The following AP2A2 variants were observed in gnomAD, a reference collection of about 807,000 sequenced individuals.
AP2A2 encodes adaptor related protein complex 2 subunit alpha 2, also known as AP-2 complex subunit alpha-2.
A neutral mutation model predicts 104.2 loss-of-function variants in AP2A2; 32 were observed. The observed-to-expected ratio is 0.31, with a 90% CI of 0.23 to 0.41. The LOEUF is 0.41. AP2A2 is among the 10% of genes least tolerant of loss of function. AP2A2 has a pLI of 1.00. For missense variants in AP2A2, 912 were observed against 1,261.0 expected (o/e 0.72, Z 4.19); for synonymous variants, 539 against 533.3 (o/e 1.01, Z -0.15).
intron 2 of AP2A2, among the ~76,000 whole-genome samples, chr11:960,081 C>T (rs914183721): frequency 3.3e-5 from 5 of 152,120 alleles, no homozygotes; most frequent in Admixed American, 6.5e-5. Flanking sequence ...ACCTTAGCCA[C>T]GGTGTAGCTG....
chr11:927,885 T>C (rs891696733), intron 1 of AP2A2, among the ~76,000 whole-genome samples: 4 of 152,074 alleles, frequency 2.6e-5, no homozygotes, highest in Non-Finnish European at 5.9e-5. Context: ...AGTAGCATTT[T>C]TTCTCTTTGT....
At chr11:945,582 C>T (rs1853805294) in intron 1 of AP2A2, among the ~76,000 whole-genome samples, 1 of 152,186 alleles carries the variant, frequency 6.6e-6, no homozygotes, top group African/African-American at 2.4e-5. Context: ...ATCCGCCCGC[C>T]TCGGCCTCTC....
Position 992,634 on chromosome 11 carries a change from C to T in AP2A2, c.1401C>T (p.Ile467=), listed in dbSNP as rs753159104. 13 of 1,613,848 alleles carry T rather than the reference C, an allele frequency of 8.1e-6. No individual in the cohort carries two copies. The highest frequency in any genetic ancestry group is 2.7e-5 in the African/African-American group (2 of 74,916). ...AGGTGTGGTACCGAGTCATTCAGAT[C>T]GTCATCAACCGGGACGACGTGCAGG... is the stretch of plus-strand genomic sequence containing the variant. ...SEEVWYRVIQ[I]VINRDDVQGY... is the part of the protein sequence containing the mutation. The change falls in exon 11 of 22, where the codon ATC becomes ATT. Residue 467 remains isoleucine, a synonymous_variant. Transcript: ENST00000448903. The surrounding 1 kb of genome is among the most constrained non-coding windows in gnomAD (Gnocchi z 6.4).
intron 10 of AP2A2, among the ~76,000 whole-genome samples, chr11:991,492 G>A (rs191128952): frequency 1.5e-3 from 235 of 152,324 alleles, no homozygotes; most frequent in South Asian, 0.014. Context: ...TTCGTGGAGG[G>A]GTGGGAGGTA....
chr11:927,543 C>T (rs1393771017), intron 1 of AP2A2, among the ~76,000 whole-genome samples: 1 of 150,038 alleles, frequency 6.7e-6, no homozygotes, highest in African/African-American at 2.5e-5. Context: ...GAGCTGGGTG[C>T]GGTGGCTCAA....
intron 1 of AP2A2, among the ~76,000 whole-genome samples, chr11:930,595 A>G (rs867457893): frequency 5.3e-5 from 8 of 151,114 alleles, no homozygotes; most frequent in Non-Finnish European, 8.8e-5. Context: ...ATCTCGGCTC[A>G]CTGCAAGCTC....
intron 4 of AP2A2, 41 bp downstream of exon 4, chr11:972,296 C>T: frequency 5.3e-6 from 8 of 1,514,552 alleles, no homozygotes; most frequent in Non-Finnish European, 7.1e-6. Context: ...TGAAGATGTG[C>T]TGCTTTCATG....
intron 1 of AP2A2, among the ~76,000 whole-genome samples, chr11:936,465 C>G (rs953849684): frequency 6.6e-6 from 1 of 152,136 alleles, no homozygotes; most frequent in African/African-American, 2.4e-5. Flanking sequence ...GCAATCATAG[C>G]TTACTTCAGC....
chr11:940,035 A>C lies in AP2A2; in HGVS notation c.67+13947A>C, dbSNP rs117361804. On this transcript the variant is annotated intron_variant, in intron 1 of 21. Transcript: ENST00000448903. The stretch of plus-strand genomic sequence containing the variant: ...CAGTGGCGCGATCTCGGCTCACTGT[A>C]ACCTCTTCTGCCGGGTTCAAGCGAT... Among the ~76,000 whole-genome samples the C allele has an allele frequency of 4.8e-3, 672 of 141,266 alleles. 5 individuals carry two copies. Among genetic ancestry groups the C allele is most frequent in the South Asian group, 0.025 (114 of 4,524 alleles). The allele number at this position is 141,266 out of a possible 152,430, so 92.7% of individuals were successfully genotyped here.
intron 17 of AP2A2, chr11:1,007,782 A>C: frequency 1.6e-6 from 1 of 612,128 alleles, no homozygotes; most frequent in Non-Finnish European, 2.9e-6. Flanking sequence ...AATCTAAGTG[A>C]CTTTTTAAAA....
At chr11:996,660 G>C (rs1490473904) in intron 14 of AP2A2, among the ~76,000 whole-genome samples, 1 of 152,192 alleles carries the variant, frequency 6.6e-6, no homozygotes, top group African/African-American at 2.4e-5. Flanking sequence ...CTGAAAAGGA[G>C]GATGAGGGTC....
intron 10 of AP2A2, among the ~76,000 whole-genome samples, chr11:991,051 A>C (rs1440412350): frequency 3.3e-5 from 4 of 122,342 alleles, no homozygotes; most frequent in Admixed American, 8.3e-5. Flanking sequence ...TGCTCCCCCC[A>C]CCCCGTCCTT....
intron 17 of AP2A2, chr11:1,007,033 T>C (rs1469426911): frequency 1.8e-5 from 3 of 162,890 alleles, no homozygotes; most frequent in African/African-American, 7.2e-5. Context: ...AGCTTGTGTG[T>C]GCTTCTGGCA....
intron 10 of AP2A2, among the ~76,000 whole-genome samples, chr11:989,358 G>A (rs111529285): frequency 1.3e-5 from 2 of 151,766 alleles, no homozygotes; most frequent in African/African-American, 4.8e-5. Flanking sequence ...TAAAATGCCC[G>A]TCCTGCGCGG....
Position 1,009,409 on chromosome 11 carries a change from G to A in AP2A2, c.2607+12G>A. 6.2e-7 allele frequency: 1 copy of A among 1,609,654 alleles called. No homozygotes were observed. On this transcript the variant is annotated intron_variant, in intron 20 of 21. Coordinates refer to ENST00000448903, the MANE Select transcript of AP2A2 (RefSeq NM_012305.4). ...TCACCAAAGCCAAGGTAACACGTCT[G>A]GAGGGACGGCCCCGGGGGACACGCA... is the stretch of plus-strand genomic sequence containing the variant.
chr11:1,003,290 C>T (rs896701659), intron 15 of AP2A2, among the ~76,000 whole-genome samples: 2 of 152,182 alleles, frequency 1.3e-5, no homozygotes, highest in East Asian at 1.9e-4. Flanking sequence ...GCTGGGTGCC[C>T]GTGCATGCGT....
At chr11:975,443 T>C (rs11246366) in intron 4 of AP2A2, among the ~76,000 whole-genome samples, 24,460 of 81,924 alleles carry the variant, frequency 0.3, 1,291 homozygotes, top group Middle Eastern at 0.45. Context: ...CGTCGGAGAG[T>C]AGCGGTGGGG....
At chr11:933,840 A>G (rs1444341061) in intron 1 of AP2A2, among the ~76,000 whole-genome samples, 1 of 152,160 alleles carries the variant, frequency 6.6e-6, no homozygotes, top group African/African-American at 2.4e-5. Context: ...TTGTTGGCAG[A>G]GGGGAACTTG....
intron 8 of AP2A2, among the ~76,000 whole-genome samples, chr11:986,093 T>C (rs1855446497): frequency 6.6e-6 from 1 of 152,216 alleles, no homozygotes; most frequent in Admixed American, 6.5e-5. Flanking sequence ...GCGCACCACA[T>C]GTGGTCTGGC....
Sources: gnomAD v4.1 joint callset for allele counts (sites outside exome capture counted in the v4.1 genomes callset) on GRCh38, gnomAD v4.1.1 for gene constraint, Gnocchi (gnomAD v3.1) non-coding constraint, MANE v1.5 for transcripts, NCBI Gene and HGNC (gene_info 2026-07-23, HGNC 2026-07-21) for gene names.